WDFY2: variants seen among roughly 807,000 people sequenced by gnomAD.
WDFY2 encodes WD repeat and FYVE domain-containing protein 2.
A neutral mutation model predicts 56.4 loss-of-function variants in WDFY2; 36 were observed. The observed-to-expected ratio is 0.64, with a 90% confidence interval of 0.49 to 0.84. WDFY2 has a LOEUF of 0.84. WDFY2 is among the 40% of genes least tolerant of loss of function. WDFY2 has a pLI of 0.00. For missense variants in WDFY2, 444 were observed against 512.2 expected, an observed-to-expected ratio of 0.87 and a Z score of 1.29; for synonymous variants, 176 against 183.7, an observed-to-expected ratio of 0.96 and a Z score of 0.34.
intron 1 of WDFY2, among the ~76,000 whole-genome samples, chr13:51,585,498 A>G (rs1462514775): frequency 3.3e-5 from 5 of 152,022 alleles, no homozygotes; most frequent in African/African-American, 1.2e-4. Flanking sequence ...TGTTTCCTTT[A>G]TTTTTGCTTA....
chr13:51,611,291 T>C (rs1954498005), intron 1 of WDFY2, among the ~76,000 whole-genome samples: 2 of 152,244 alleles, frequency 1.3e-5, no homozygotes, highest in Admixed American at 1.3e-4. Context: ...TCAATCTGCA[T>C]ATACTTGAAG....
At chr13:51,593,549 C>G (rs1009660324) in intron 1 of WDFY2, among the ~76,000 whole-genome samples, 2 of 152,094 alleles carry the variant, frequency 1.3e-5, no homozygotes, top group African/African-American at 4.8e-5. Context: ...CCATACCTGA[C>G]CAGCCATGGA....
chr13:51,736,583 C>T (rs1952841634), intron 6 of WDFY2, among the ~76,000 whole-genome samples: 1 of 152,204 alleles, frequency 6.6e-6, no homozygotes, highest in Non-Finnish European at 1.5e-5. Context: ...ACCCCTGCCT[C>T]CTGGGTTCAA....
At position 51,739,323 on chromosome 13, in the gene WDFY2, CTG is replaced by C. The variant is rs1379652365; in HGVS notation, c.725+152_725+153del. On this transcript the variant is annotated intron_variant, in intron 7 of 11. Transcript: ENST00000298125. ...AAATACTGGCCACTTTGATTTATAA[CTG>C]TGTAAAACTGTGTTTATATACTTAT... is the stretch of plus-strand genomic sequence containing the variant. 3.3e-6 allele frequency: 3 copies of C among 920,448 alleles called. No homozygotes were observed. The Admixed American group carries it at 1.2e-4, about 36-fold the overall frequency. The allele number at this position is 920,448 out of a possible 1,614,324, so 57.0% of individuals were successfully genotyped here. A position where few individuals can be genotyped will look rare whatever the true frequency, so the allele number is the denominator to read the frequency against.
intron 2 of WDFY2, among the ~76,000 whole-genome samples, chr13:51,669,490 T>A (rs566016497): frequency 3.9e-5 from 6 of 152,340 alleles, no homozygotes; most frequent in Non-Finnish European, 7.4e-5. Flanking sequence ...TAGTTTTTTT[T>A]ATCTTATTTG....
intron 2 of WDFY2, among the ~76,000 whole-genome samples, chr13:51,671,900 C>T (rs1336864619): frequency 6.6e-6 from 1 of 150,814 alleles, no homozygotes; most frequent in East Asian, 2.0e-4. Context: ...TCTCGTGCCT[C>T]AGCCTCCCTA....
chr13:51,606,248 C>T (rs1348224592), intron 1 of WDFY2, among the ~76,000 whole-genome samples: 1 of 152,090 alleles, frequency 6.6e-6, no homozygotes, highest in South Asian at 2.1e-4. Context: ...TCAAAAATTT[C>T]GATTTGATTT....
chr13:51,731,707 G>A (rs1028044015), intron 6 of WDFY2, among the ~76,000 whole-genome samples: 1 of 152,222 alleles, frequency 6.6e-6, no homozygotes, highest in African/African-American at 2.4e-5. Flanking sequence ...CCCAAACACA[G>A]CAAGTCTCAG....
intron 1 of WDFY2, chr13:51,594,107 G>A (rs1255670035): frequency 1.3e-5 from 2 of 152,142 alleles, no homozygotes; most frequent in South Asian, 2.1e-4. Context: ...ACTTAGTGTG[G>A]ACACCTAATT....
chr13:51,701,520 CAAAAAAAAA>C (rs368134096), intron 3 of WDFY2, among the ~76,000 whole-genome samples: 1 of 79,570 alleles, frequency 1.3e-5, no homozygotes, highest in South Asian at 4.0e-4. Flanking sequence ...GATTCCATCT[CAAAAAAAAA>C]AAAAAAAAAA....
At chr13:51,759,630 T>C (rs1953516609) in intron 11 of WDFY2, 110 bp from the exon 12 acceptor site, 14 of 886,562 alleles carry the variant, frequency 1.6e-5, no homozygotes, top group South Asian at 6.3e-5. Context: ...GTTAGTATAG[T>C]ATGTGGTGGT....
At chr13:51,633,662 GAAT>G (rs1954995723) in intron 1 of WDFY2, among the ~76,000 whole-genome samples, 1 of 152,052 alleles carries the variant, frequency 6.6e-6, no homozygotes, top group Non-Finnish European at 1.5e-5. Context: ...TTTTTCTCCT[GAAT>G]TAGTTGGATC....
At chr13:51,631,523 A>C (rs143330575) in intron 1 of WDFY2, among the ~76,000 whole-genome samples, 1 of 152,152 alleles carries the variant, frequency 6.6e-6, no homozygotes, top group African/African-American at 2.4e-5. Context: ...AACAGTATCT[A>C]TGGAGTTCTC....
rs1383891454 is a variant in WDFY2, at chr13:51,765,544, C to G, written c.*5775C>G. The stretch of plus-strand genomic sequence containing the variant: ...TTGATCATCATTCTTAAAGTCCCTT[C>G]CAATCCTGTGATTCTCTGATTCCCT... On this transcript the variant is annotated 3_prime_UTR_variant, in exon 12 of 12. Coordinates refer to ENST00000298125, the MANE Select transcript of WDFY2 (RefSeq NM_052950.4). 6.6e-6 allele frequency: 1 copy of G among 152,208 alleles called. No homozygotes were observed. The highest frequency in any genetic ancestry group is 1.9e-4 in the East Asian group (1 of 5,198). The allele number at this position is 152,208 out of a possible 1,614,324, so 9.4% of individuals were successfully genotyped here. A position where few individuals can be genotyped will look rare whatever the true frequency, so the allele number is the denominator to read the frequency against.
In WDFY2 at chr13:51,641,597, C is replaced by T. The variant is rs377537139; in HGVS notation, c.138-18999C>T. Among the ~76,000 whole-genome samples the T allele has an allele frequency of 7.3e-5, 11 of 150,486 alleles. No individual in the cohort carries two copies. In the South Asian group the frequency reaches 8.4e-4, roughly 11 times the overall value. Reference sequence around the variant, plus strand: ...ATCCCAGCACTTTGGGAGGCCGAGGCGGGCGGATCACGAGGTCAGGAGATC... The same window carrying T: ...ATCCCAGCACTTTGGGAGGCCGAGGTGGGCGGATCACGAGGTCAGGAGATC... On this transcript the variant is annotated intron_variant, in intron 1 of 11. Coordinates refer to ENST00000298125, the MANE Select transcript of WDFY2 (RefSeq NM_052950.4).
intron 1 of WDFY2, among the ~76,000 whole-genome samples, chr13:51,645,600 T>C (rs1162890746): frequency 6.6e-6 from 1 of 152,202 alleles, no homozygotes; most frequent in Non-Finnish European, 1.5e-5. Flanking sequence ...CCACTGTGAA[T>C]ATAGTTCAGC....
In WDFY2 at chr13:51,631,523, A is replaced by G. The variant is rs143330575; in HGVS notation, c.138-29073A>G. 3.1e-4 allele frequency among the ~76,000 whole-genome samples: 47 copies of G among 152,270 alleles called. No individual in the cohort carries two copies. The East Asian group carries it at 7.5e-3, about 24-fold the overall frequency. On this transcript the variant is annotated intron_variant, in intron 1 of 11. Coordinates refer to ENST00000298125, the MANE Select transcript of WDFY2 (RefSeq NM_052950.4). ...CTTGTTTATCATTAGAACAGTATCT[A>G]TGGAGTTCTCCTAAGCCATGTGATC...
chr13:51,664,784 A>G (rs1431298195), intron 2 of WDFY2, among the ~76,000 whole-genome samples: 1 of 152,218 alleles, frequency 6.6e-6, no homozygotes, highest in Non-Finnish European at 1.5e-5. Flanking sequence ...GGACTGAGTC[A>G]TGGCCCTATT....
chr13:51,722,118 G>C (rs1388196596), intron 5 of WDFY2, among the ~76,000 whole-genome samples: 1 of 151,534 alleles, frequency 6.6e-6, no homozygotes. Context: ...AAAAGATTAT[G>C]AATAATATCA....
Sources: allele counts gnomAD v4.1 joint callset (sites outside exome capture counted in the v4.1 genomes callset), GRCh38; gene constraint gnomAD v4.1.1; transcripts MANE v1.5; gene names NCBI Gene and HGNC (gene_info 2026-07-23, HGNC 2026-07-21).